Variants in CHMP3 observed in about 807,000 individuals in gnomAD.
The protein encoded by CHMP3 is 25.1 protein.
Under a neutral mutation model 27.4 loss-of-function variants are expected in CHMP3, and 8 were observed. That is an observed-to-expected ratio of 0.29 (90% CI 0.17 to 0.53). The LOEUF (loss-of-function observed/expected upper bound fraction) is 0.53. Ranked by LOEUF, CHMP3 falls within the 20% of genes least tolerant of loss-of-function variation. CHMP3 has a pLI of 0.96. For synonymous variants in CHMP3, 86 were observed against 85.5 expected (o/e 1.01, Z -0.03); for missense variants, 208 against 271.5 (o/e 0.77, Z 1.64).
At chr2:86,536,034 C>T (rs567885834) in intron 2 of CHMP3, among the ~76,000 whole-genome samples, 54 of 115,888 alleles carry the variant, frequency 4.7e-4, no homozygotes, top group African/African-American at 8.1e-4. Context: ...CTCGCTCTGT[C>T]GCCCAGGCTG....
intron 1 of CHMP3, among the ~76,000 whole-genome samples, chr2:86,551,449 G>A (rs1015260877): frequency 6.6e-6 from 1 of 152,068 alleles, no homozygotes; most frequent in Non-Finnish European, 1.5e-5. Context: ...TAGGCACGGG[G>A]TTTCACCATG....
chr2:86,516,756 G>GA (rs960423737), intron 3 of CHMP3, among the ~76,000 whole-genome samples: 45 of 152,302 alleles, frequency 3.0e-4, no homozygotes, highest in African/African-American at 1.1e-3. Context: ...TATGCTGAGT[G>GA]AAAAAAGCCA....
rs1158596891 is a variant in CHMP3 at position 86,504,442 on chromosome 2, C to A, written c.*1362G>T. On this transcript the variant is annotated 3_prime_UTR_variant, in exon 6 of 6. Coordinates refer to ENST00000263856, the MANE Select transcript of CHMP3 (RefSeq NM_016079.4). ...ATAATTATTTAAAATAATTTTTTAA[C>A]TACACTCTGAAGATGAAATCAAGAG... 2.0e-5 allele frequency: 3 copies of A among 150,144 alleles called. No homozygotes were observed. Among genetic ancestry groups the A allele is most frequent in the Non-Finnish European group, 4.4e-5 (3 of 67,690 alleles). 9.3% of individuals were successfully genotyped at this position (150,144 alleles called of 1,614,324 possible). A position where few individuals can be genotyped will look rare whatever the true frequency, so the allele number is the denominator to read the frequency against.
chr2:86,525,339 T>C (rs1042538291), intron 3 of CHMP3, among the ~76,000 whole-genome samples: 15 of 152,180 alleles, frequency 9.9e-5, no homozygotes, highest in Non-Finnish European at 2.9e-5. Context: ...GATACTTTGC[T>C]GAACTAAAAC....
intron 1 of CHMP3, among the ~76,000 whole-genome samples, chr2:86,552,166 T>C (rs1235554234): frequency 6.6e-6 from 1 of 152,182 alleles, no homozygotes; most frequent in Non-Finnish European, 1.5e-5. Context: ...AACAGAATAA[T>C]GGTTAGAACT....
chr2:86,522,699 C>T (rs948019778), intron 3 of CHMP3, among the ~76,000 whole-genome samples: 2 of 152,212 alleles, frequency 1.3e-5, no homozygotes, highest in Non-Finnish European at 2.9e-5. Flanking sequence ...CTAACCTATT[C>T]CATTCCCCTA....
intron 1 of CHMP3, among the ~76,000 whole-genome samples, chr2:86,553,619 C>T (rs891269524): frequency 4.6e-5 from 7 of 152,130 alleles, no homozygotes; most frequent in African/African-American, 7.2e-5. Flanking sequence ...CGTGAGCCAC[C>T]GCGCCCGACC....
intron 1 of CHMP3, among the ~76,000 whole-genome samples, chr2:86,556,748 G>T (rs756432133): frequency 6.6e-6 from 1 of 152,110 alleles, no homozygotes; most frequent in African/African-American, 2.4e-5. Flanking sequence ...ATAAATACTC[G>T]CAGCGCCGGC....
intron 2 of CHMP3, chr2:86,541,077 G>C (rs1366841450): frequency 6.6e-6 from 1 of 151,962 alleles, no homozygotes; most frequent in Non-Finnish European, 1.5e-5. Flanking sequence ...TTGGTTGGTT[G>C]GTATGGGCTT....
intron 3 of CHMP3, among the ~76,000 whole-genome samples, chr2:86,513,986 G>A (rs1368572088): frequency 6.6e-6 from 1 of 152,242 alleles, no homozygotes; most frequent in Non-Finnish European, 1.5e-5. Context: ...GATTGAATGA[G>A]ATCACATATG....
chr2:86,510,617 C>G, intron 3 of CHMP3, 138 bp from the exon 4 acceptor site: 2 of 1,216,350 alleles, frequency 1.6e-6, no homozygotes, highest in Non-Finnish European at 2.3e-6. Context: ...AAATTAATTA[C>G]TGTGCTAGTT....
intron 5 of CHMP3, among the ~76,000 whole-genome samples, chr2:86,506,228 T>TTC (rs1674882559): frequency 6.6e-6 from 1 of 152,226 alleles, no homozygotes; most frequent in Admixed American, 6.5e-5. Context: ...TCTTTCTGAA[T>TTC]AAAACTAAAT....
At chr2:86,544,695 A>C (rs1676497068) in intron 1 of CHMP3, among the ~76,000 whole-genome samples, 2 of 152,256 alleles carry the variant, frequency 1.3e-5, no homozygotes, top group African/African-American at 4.8e-5. Context: ...CCAAGGCAGA[A>C]GAATTTTTCT....
intron 2 of CHMP3, among the ~76,000 whole-genome samples, chr2:86,533,110 T>C (rs1675991305): frequency 6.6e-6 from 1 of 152,242 alleles, no homozygotes; most frequent in African/African-American, 2.4e-5. Context: ...CTACTAGGTA[T>C]AAGTCTGTTC....
At chr2:86,531,635 T>A (rs921836432) in intron 2 of CHMP3, among the ~76,000 whole-genome samples, 5 of 152,170 alleles carry the variant, frequency 3.3e-5, no homozygotes, top group Non-Finnish European at 7.4e-5. Context: ...TTGGGGTTAG[T>A]TTCTGTATAC....
At chr2:86,531,781 A>G (rs1210304673) in intron 2 of CHMP3, among the ~76,000 whole-genome samples, 1 of 152,202 alleles carries the variant, frequency 6.6e-6, no homozygotes, top group African/African-American at 2.4e-5. Flanking sequence ...CAACAGACAC[A>G]TAGTTTTTCT....
chr2:86,511,882 G>A (rs992814594), intron 3 of CHMP3: 1 of 152,042 alleles, frequency 6.6e-6, no homozygotes, highest in Non-Finnish European at 1.5e-5. Context: ...GACTAGAGAA[G>A]TATTTAAACA....
intron 1 of CHMP3, 76 bp downstream of exon 1, chr2:86,563,228 A>C (rs1677461674): frequency 3.2e-6 from 5 of 1,546,194 alleles, no homozygotes; most frequent in Non-Finnish European, 4.4e-6. Flanking sequence ...TGGGGAGAAG[A>C]GTGTCCTGTC....
At chr2:86,513,009 G>T (rs556842243) in intron 3 of CHMP3, among the ~76,000 whole-genome samples, 1 of 152,338 alleles carries the variant, frequency 6.6e-6, no homozygotes, top group East Asian at 1.9e-4. Context: ...CTCCTTGGTA[G>T]TTATCATAAT....
Sources: allele counts gnomAD v4.1 joint callset (sites outside exome capture counted in the v4.1 genomes callset), GRCh38; gene constraint gnomAD v4.1.1; transcripts MANE v1.5; gene names NCBI Gene and HGNC (gene_info 2026-07-23, HGNC 2026-07-21).